Variants in ZMYM2 observed in about 807,000 individuals in gnomAD.
The protein encoded by ZMYM2 is zinc finger MYM-type containing 2.
ZMYM2 carries 56 observed loss-of-function variants against 162.8 expected under a neutral mutation model. That is an observed-to-expected ratio of 0.34 (90% CI 0.28 to 0.43). The LOEUF is 0.43. Ranked by LOEUF, ZMYM2 falls within the 20% of genes least tolerant of loss-of-function variation. The probability of loss-of-function intolerance (pLI) is 1.00; values close to 1 mark genes in which losing one functional copy is unlikely to be tolerated. For synonymous variants in ZMYM2, 510 were observed against 541.6 expected, an observed-to-expected ratio of 0.94 and a Z score of 0.81; for missense variants, 1,275 against 1,621.8, an observed-to-expected ratio of 0.79 and a Z score of 3.67.
chr13:20,055,436 A>G (rs991723202), intron 14 of ZMYM2, among the ~76,000 whole-genome samples: 4 of 151,966 alleles, frequency 2.6e-5, no homozygotes, highest in Non-Finnish European at 5.9e-5. Context: ...TTCTTAGTCT[A>G]ATTAGTGTCA....
chr13:19,875,181 T>G, the ZMYM2 span, among the ~76,000 whole-genome samples: 1 of 152,056 alleles, frequency 6.6e-6, no homozygotes, highest in Non-Finnish European at 1.5e-5. Context: ...ATAGAGACAA[T>G]CTGGGATCCT....
chr13:20,043,352 G>A (rs982454606), intron 12 of ZMYM2, among the ~76,000 whole-genome samples: 9 of 152,194 alleles, frequency 5.9e-5, no homozygotes, highest in South Asian at 4.1e-4. Context: ...GCAGTGCAGC[G>A]TGATGGGGTG....
chr13:20,024,724 T>C, intron 7 of ZMYM2: 2 of 219,730 alleles, frequency 9.1e-6, no homozygotes, highest in East Asian at 6.8e-5. Context: ...GAGCATTCTC[T>C]TCTATTATAT....
intron 14 of ZMYM2, 91 bp downstream of exon 14, chr13:20,052,402 A>T (rs933351416): frequency 3.1e-6 from 4 of 1,286,876 alleles, no homozygotes; most frequent in Non-Finnish European, 4.2e-6. Context: ...CATAATAGTA[A>T]TTTTTTTGGT....
chr13:20,023,783 C>G (rs1952323785), intron 7 of ZMYM2, among the ~76,000 whole-genome samples: 1 of 152,144 alleles, frequency 6.6e-6, no homozygotes, highest in South Asian at 2.1e-4. Context: ...ACATATAAAG[C>G]TGAGTAAACA....
chr13:19,910,175 C>T, the ZMYM2 span, among the ~76,000 whole-genome samples: 4 of 151,846 alleles, frequency 2.6e-5, no homozygotes, highest in African/African-American at 9.7e-5. Flanking sequence ...TGCAGTGAGC[C>T]GAGATTGCGC....
At chr13:20,033,480 T>A (rs1042777315) in intron 10 of ZMYM2, among the ~76,000 whole-genome samples, 8 of 152,178 alleles carry the variant, frequency 5.3e-5, no homozygotes, top group African/African-American at 1.9e-4. Context: ...ATGGGGCAAC[T>A]TTCCACTAAT....
chr13:19,975,646 A>G (rs914435815), intron 2 of ZMYM2, among the ~76,000 whole-genome samples: 1 of 152,162 alleles, frequency 6.6e-6, no homozygotes, highest in African/African-American at 2.4e-5. Flanking sequence ...ACAGGTATCT[A>G]TTTGAGTCAT....
intron 21 of ZMYM2, chr13:20,070,913 CT>C: frequency 9.4e-6 from 1 of 106,890 alleles, no homozygotes; most frequent in Non-Finnish European, 2.1e-5. Flanking sequence ...AGTGTAGATC[CT>C]TTGAGACCAA....
chr13:19,913,321 A>G, the ZMYM2 span, among the ~76,000 whole-genome samples: 2 of 152,112 alleles, frequency 1.3e-5, no homozygotes, highest in Admixed American at 6.6e-5. Context: ...TGAGCTATCC[A>G]TTATGAATTA....
intron 3 of ZMYM2, among the ~76,000 whole-genome samples, chr13:19,996,295 C>G (rs1950012679): frequency 6.6e-6 from 1 of 152,126 alleles, no homozygotes; most frequent in Non-Finnish European, 1.5e-5. Flanking sequence ...AAAACAAGAG[C>G]TGGTGCCAAG....
Position 20,052,298 on chromosome 13 carries a change from G to A in ZMYM2, c.2480G>A (p.Arg827Gln), listed in dbSNP as rs375597494. The A allele has an allele frequency of 1.4e-5, 22 of 1,569,120 alleles. No homozygotes were observed. Among genetic ancestry groups the A allele is most frequent in the Middle Eastern group, 1.7e-4 (1 of 5,986 alleles). ...TTAGATCAGGGTTGTCAGACATCTC[G>A]AACCAAAATGACAGTAAGTATTGGT... ...LHYDQGCQTS[R>Q]TKMTGSAPPP... The change falls in exon 14 of 25, where the codon CGA (arginine) becomes CAA (glutamine). Residue 827 changes from arginine to glutamine, a missense_variant. Physicochemically the swap from Arg to Gln is conservative, Grantham distance 43. Around this residue, in one of 10 missense-constraint regions of ZMYM2, gnomAD observed 177 missense variants for 228.0 expected, o/e 0.78. Coordinates refer to ENST00000610343, the MANE Select transcript of ZMYM2 (RefSeq NM_197968.4).
intron 9 of ZMYM2, among the ~76,000 whole-genome samples, 164 bp from the exon 10 acceptor site, chr13:20,031,155 A>G (rs1280573986): frequency 3.9e-5 from 6 of 152,218 alleles, no homozygotes; most frequent in African/African-American, 1.4e-4. Flanking sequence ...ACTAACATAT[A>G]CTATAATTTT....
the ZMYM2 span, among the ~76,000 whole-genome samples, chr13:19,932,602 T>C: frequency 1.3e-5 from 2 of 151,410 alleles, no homozygotes; most frequent in Admixed American, 6.6e-5. Flanking sequence ...GTCAAGATCA[T>C]AGCATTGCAC....
At chr13:20,052,533 G>A (rs1013268856) in intron 14 of ZMYM2, among the ~76,000 whole-genome samples, 3 of 152,012 alleles carry the variant, frequency 2.0e-5, no homozygotes, top group Non-Finnish European at 2.9e-5. Context: ...ACAATGGGGC[G>A]ATAGACATAA....
chr13:20,002,308 CA>C (rs1950456293), intron 3 of ZMYM2, among the ~76,000 whole-genome samples: 1 of 152,098 alleles, frequency 6.6e-6, no homozygotes, highest in Non-Finnish European at 1.5e-5. Flanking sequence ...TAACTAGTGA[CA>C]TTTTTTAATA....
chr13:19,868,192 T>A, the ZMYM2 span, among the ~76,000 whole-genome samples: 145,945 of 152,308 alleles, frequency 0.96, 70,251 homozygotes, highest in East Asian at 1. Context: ...AATGTTAGAG[T>A]TTCATCTCTA....
chr13:19,918,957 T>C, the ZMYM2 span, among the ~76,000 whole-genome samples: 1 of 152,174 alleles, frequency 6.6e-6, no homozygotes, highest in Non-Finnish European at 1.5e-5. Flanking sequence ...AGCTGAAACA[T>C]TGAACTGTTC....
chr13:19,881,607 G>C, the ZMYM2 span, among the ~76,000 whole-genome samples: 1 of 151,640 alleles, frequency 6.6e-6, no homozygotes, highest in African/African-American at 2.4e-5. Flanking sequence ...GGGCAACAGA[G>C]TGAGACTCAG....
Sources: allele counts gnomAD v4.1 joint callset (sites outside exome capture counted in the v4.1 genomes callset), GRCh38; gene constraint gnomAD v4.1.1; regional missense constraint gnomAD v4.1.1; transcripts MANE v1.5; gene names NCBI Gene and HGNC (gene_info 2026-07-23, HGNC 2026-07-21).